Variants in LRIT3 observed in about 807,000 individuals in gnomAD.
The protein encoded by LRIT3 is leucine-rich repeat, immunoglobulin-like domain and transmembrane domain-containing protein 3.
A neutral mutation model predicts 22.6 loss-of-function variants in LRIT3; 14 were observed. The observed-to-expected ratio is 0.62, with a 90% confidence interval of 0.41 to 0.97. LRIT3 has a LOEUF of 0.97. LRIT3 is among the 50% of genes least tolerant of loss of function. LRIT3 has a pLI of 0.00. For synonymous variants in LRIT3, 306 were observed against 304.5 expected (o/e 1.01, Z -0.05); for missense variants, 783 against 803.0 (o/e 0.98, Z 0.30).
intron 2 of LRIT3, among the ~76,000 whole-genome samples, chr4:109,866,506 T>C (rs916157214): frequency 6.6e-6 from 1 of 152,222 alleles, no homozygotes; most frequent in Admixed American, 6.5e-5. Flanking sequence ...AATTTTTTAA[T>C]TGAACTCAGC....
intron 3 of LRIT3, among the ~76,000 whole-genome samples, chr4:109,868,453 C>T (rs1412552318): frequency 6.6e-6 from 1 of 151,230 alleles, no homozygotes; most frequent in Non-Finnish European, 1.5e-5. Context: ...CACCTGTAAT[C>T]CCAGCTACTC....
intron 2 of LRIT3, among the ~76,000 whole-genome samples, chr4:109,861,704 A>G (rs1307573004): frequency 2.6e-5 from 4 of 152,086 alleles, no homozygotes; most frequent in Non-Finnish European, 5.9e-5. Context: ...TGTCTGTTAT[A>G]TGCACTGTGA....
At chr4:109,854,054 C>T (rs146204277) in intron 2 of LRIT3, among the ~76,000 whole-genome samples, 3 of 152,048 alleles carry the variant, frequency 2.0e-5, no homozygotes, top group African/African-American at 7.2e-5. Flanking sequence ...TTAGGACTGT[C>T]TTGGCTATAT....
Position 109,872,268 on chromosome 4 carries a change from G to C in LRIT3, c.*1479G>C, listed in dbSNP as rs1485913566. On this transcript the variant is annotated 3_prime_UTR_variant, in exon 4 of 4. Transcript: ENST00000594814. ...CGGCCTATGACACCAGCCAGCTCCT[G>C]CTTTCTGTCTTGTAAGAGCACTGCT... 1 of 152,256 alleles carries C rather than the reference G, an allele frequency of 6.6e-6. No individual in the cohort carries two copies. 9.4% of individuals were successfully genotyped at this position (152,256 alleles called of 1,614,324 possible).
In LRIT3 at chr4:109,870,237, T is replaced by G; in HGVS notation, c.1488T>G (p.Thr496=). The change falls in exon 4 of 4, where the codon ACT becomes ACG. Residue 496 remains threonine, a synonymous_variant. Transcript: ENST00000594814. ...AAAACCTCAGGGTGGTCAGTGAGAC[T>G]AAAGAGAGTGTGACATTGACGTGGA... The part of the protein sequence containing the change: ...AIENLRVVSE[T]KESVTLTWNM... The G allele has an allele frequency of 6.2e-7, 1 of 1,614,186 alleles. No individual in the cohort carries two copies. Among genetic ancestry groups the G allele is most frequent in the East Asian group, 2.2e-5 (1 of 44,884 alleles).
intron 2 of LRIT3, among the ~76,000 whole-genome samples, 174 bp downstream of exon 2, chr4:109,852,150 G>C (rs2125897375): frequency 6.6e-6 from 1 of 152,280 alleles, no homozygotes; most frequent in East Asian, 1.9e-4. Flanking sequence ...CCTGTGTAAG[G>C]TGTAAGAGCT....
intron 2 of LRIT3, among the ~76,000 whole-genome samples, chr4:109,852,351 C>T (rs562502037): frequency 5.3e-5 from 8 of 152,316 alleles, no homozygotes; most frequent in Admixed American, 5.2e-4. Context: ...GTTTGCTTTT[C>T]AACTCTTCAT....
chr4:109,871,052 T>C lies in LRIT3; in HGVS notation c.*263T>C, dbSNP rs536898276. 3 of 307,492 alleles carry C rather than the reference T, an allele frequency of 9.8e-6. No individual in the cohort carries two copies. Among genetic ancestry groups the C allele is most frequent in the Non-Finnish European group, 1.8e-5 (3 of 169,772 alleles). 19.0% of individuals were successfully genotyped at this position (307,492 alleles called of 1,614,324 possible). On this transcript the variant is annotated 3_prime_UTR_variant, in exon 4 of 4. Transcript: ENST00000594814. The stretch of plus-strand genomic sequence containing the variant: ...AAATTATTAATACTTTTTAGGGTAA[T>C]GTTTTAGTTCTTAAAAATAAGTTCA...
chr4:109,867,835 A>G lies in LRIT3; in HGVS notation c.784A>G (p.Lys262Glu). The G allele has an allele frequency of 6.2e-7, 1 of 1,614,194 alleles. No homozygotes were observed. Among genetic ancestry groups the G allele is most frequent in the Non-Finnish European group, 8.5e-7 (1 of 1,180,006 alleles). Residue 262 changes from lysine (K) to glutamate (E), a missense_variant, in exon 3 of 4, where the codon AAA (lysine) becomes GAA (glutamate). Around this residue, in one of 2 missense-constraint regions of LRIT3, gnomAD observed 756 missense variants for 753.8 expected, o/e 1.00. Transcript: ENST00000594814. ...LKPSVMTSAT[K>E]IMSALGSNVL... ...ACCATCAGTGATGACCTCAGCCACC[A>G]AAATCATGTCTGCTCTGGGCAGTAA...
chr4:109,869,680 T>A lies in LRIT3; in HGVS notation c.931T>A (p.Ser311Thr), dbSNP rs1243944055. 1 of 1,582,094 alleles carries A rather than the reference T, an allele frequency of 6.3e-7. No individual in the cohort carries two copies. Among genetic ancestry groups the A allele is most frequent in the Non-Finnish European group, 8.6e-7 (1 of 1,163,440 alleles). The change falls in exon 4 of 4, where the codon TCC becomes ACC. Residue 311 changes from serine to threonine, a missense_variant. Around this residue, in one of 2 missense-constraint regions of LRIT3, gnomAD observed 756 missense variants for 753.8 expected, o/e 1.00. Transcript: ENST00000594814. ...ATCTCCAGAGGAAGGAGTCAGATGG[T>A]CCATAATGAGCTTGACAGGCATTTC... The part of the protein sequence containing the change: ...QESPEEGVRW[S>T]IMSLTGISSK...
intron 2 of LRIT3, among the ~76,000 whole-genome samples, chr4:109,860,037 G>A (rs1002651335): frequency 1.3e-4 from 20 of 152,038 alleles, no homozygotes; most frequent in African/African-American, 4.8e-4. Flanking sequence ...TTAAACTATT[G>A]CCCTGCAAAT....
intron 2 of LRIT3, among the ~76,000 whole-genome samples, chr4:109,857,328 G>T (rs866133922): frequency 1.4e-5 from 2 of 144,974 alleles, no homozygotes; most frequent in East Asian, 2.2e-4. Context: ...CAACAGGGGG[G>T]TATAAGTCCT....
intron 1 of LRIT3, among the ~76,000 whole-genome samples, chr4:109,850,371 C>T (rs956326617): frequency 0.041 from 19 of 462 alleles, no homozygotes; most frequent in African/African-American, 0.077. Flanking sequence ...TCCTTCCTTC[C>T]TTCCTTCCTT....
At chr4:109,857,642 A>G (rs1447057981) in intron 2 of LRIT3, among the ~76,000 whole-genome samples, 1 of 152,196 alleles carries the variant, frequency 6.6e-6, no homozygotes, top group African/African-American at 2.4e-5. Context: ...TATAATAGGG[A>G]AGGGTTGTCA....
At chr4:109,848,804 T>A (rs879700209) in intron 1 of LRIT3, among the ~76,000 whole-genome samples, 1 of 152,212 alleles carries the variant, frequency 6.6e-6, no homozygotes, top group Non-Finnish European at 1.5e-5. Context: ...ATAGTTAGAA[T>A]TTTTCATTTT....
At chr4:109,865,757 AACT>A (rs1480286612) in intron 2 of LRIT3, among the ~76,000 whole-genome samples, 3 of 152,212 alleles carry the variant, frequency 2.0e-5, no homozygotes, top group Non-Finnish European at 4.4e-5. Flanking sequence ...TCTATGAAAG[AACT>A]ACTGCATTCT....
Position 109,870,835 on chromosome 4 carries a change from G to C in LRIT3, c.*46G>C, listed in dbSNP as rs1450052739. On this transcript the variant is annotated 3_prime_UTR_variant, in exon 4 of 4. Coordinates refer to ENST00000594814, the MANE Select transcript of LRIT3 (RefSeq NM_198506.5). ...TGTGAGCTACAAAACTAGCATCTAA[G>C]GGTATAATTGACCCTAGGTTTGGAT... The C allele has an allele frequency of 1.3e-6, 2 of 1,515,140 alleles. No individual in the cohort carries two copies. Among genetic ancestry groups the C allele is most frequent in the African/African-American group, 1.4e-5 (1 of 71,882 alleles). 93.9% of individuals were successfully genotyped at this position (1,515,140 alleles called of 1,614,324 possible). A position where few individuals can be genotyped will look rare whatever the true frequency, so the allele number is the denominator to read the frequency against.
At position 109,867,817 on chromosome 4, in the gene LRIT3, G is replaced by A. The variant is rs1158372935; in HGVS notation, c.766G>A (p.Val256Met). 1.9e-6 allele frequency: 3 copies of A among 1,614,202 alleles called. No individual in the cohort carries two copies. The highest frequency in any genetic ancestry group is 2.5e-6 in the Non-Finnish European group (3 of 1,180,034). Residue 256 changes from valine (V) to methionine (M), a missense_variant, in exon 3 of 4, where the codon GTG becomes ATG. Val to Met is a conservative substitution (Grantham distance 21). This residue lies in a region of LRIT3 where 756 missense variants were observed against 753.8 expected (regional missense o/e 1.00). Transcript: ENST00000594814. ...AELEHCLKPS[V>M]MTSATKIMSA... The stretch of plus-strand genomic sequence containing the variant: ...ATTGGAGCATTGTCTGAAACCATCA[G>A]TGATGACCTCAGCCACCAAAATCAT...
At chr4:109,867,524 C>A in intron 2 of LRIT3, 117 bp from the exon 3 acceptor site, 1 of 923,322 alleles carries the variant, frequency 1.1e-6, no homozygotes, top group Non-Finnish European at 1.6e-6. Flanking sequence ...CTGCTTCATC[C>A]CTCAAAGCAC....
Sources: gnomAD v4.1 joint callset for allele counts (sites outside exome capture counted in the v4.1 genomes callset) on GRCh38, gnomAD v4.1.1 for gene constraint, gnomAD v4.1.1 regional missense constraint, MANE v1.5 for transcripts, NCBI Gene and HGNC (gene_info 2026-07-23, HGNC 2026-07-21) for gene names.